The following ASH1L variants were observed in gnomAD, a reference collection of about 807,000 sequenced individuals.
The protein encoded by ASH1L is histone-lysine N-methyltransferase ASH1L.
A neutral mutation model predicts 269.0 loss-of-function variants in ASH1L; 23 were observed. That is an observed-to-expected ratio of 0.09 (90% CI 0.06 to 0.12). ASH1L has a LOEUF of 0.12. ASH1L is among the 10% of genes least tolerant of loss of function. ASH1L has a pLI of 1.00. For synonymous variants in ASH1L, 1,187 were observed against 1,253.5 expected, an observed-to-expected ratio of 0.95 and a Z score of 1.12; for missense variants, 2,912 against 3,567.8, an observed-to-expected ratio of 0.82 and a Z score of 4.68.
chr1:155,518,388 G>C (rs966814605), intron 2 of ASH1L, among the ~76,000 whole-genome samples: 2 of 151,978 alleles, frequency 1.3e-5, no homozygotes, highest in African/African-American at 4.8e-5. Flanking sequence ...AAATAAACTG[G>C]ACCTGGTTTT....
intron 5 of ASH1L, among the ~76,000 whole-genome samples, chr1:155,427,898 G>A (rs1011054664): frequency 6.6e-6 from 1 of 152,138 alleles, no homozygotes; most frequent in Admixed American, 6.6e-5. Context: ...CATAGTGAGT[G>A]AGTTCTGTTG....
At chr1:155,520,618 T>A (rs1668820098) in intron 2 of ASH1L, among the ~76,000 whole-genome samples, 2 of 152,032 alleles carry the variant, frequency 1.3e-5, no homozygotes, top group South Asian at 4.2e-4. Flanking sequence ...ATCCCAGCAC[T>A]CTGGGAGGCT....
chr1:155,470,173 G>A (rs1244137544), intron 3 of ASH1L, among the ~76,000 whole-genome samples: 5 of 151,928 alleles, frequency 3.3e-5, no homozygotes, highest in Admixed American at 1.3e-4. Flanking sequence ...ATTAAGAACC[G>A]TCAGGCTGTG....
intron 5 of ASH1L, among the ~76,000 whole-genome samples, chr1:155,427,540 G>A (rs1305627450): frequency 6.6e-6 from 1 of 152,094 alleles, no homozygotes; most frequent in Non-Finnish European, 1.5e-5. Flanking sequence ...CTGACCTCAG[G>A]TGATCCGCCC....
intron 15 of ASH1L, 104 bp from the exon 16 acceptor site, chr1:155,354,734 G>T: frequency 8.7e-7 from 1 of 1,144,624 alleles, no homozygotes; most frequent in Non-Finnish European, 1.2e-6. Context: ...CGTGAATTGA[G>T]CTGTTGTAAA....
At chr1:155,425,687 G>T (rs944797576) in intron 5 of ASH1L, among the ~76,000 whole-genome samples, 1 of 151,584 alleles carries the variant, frequency 6.6e-6, no homozygotes, top group Admixed American at 6.6e-5. Flanking sequence ...GCCTGCCTTG[G>T]CCTCCCAAAG....
intron 4 of ASH1L, among the ~76,000 whole-genome samples, chr1:155,451,932 A>G (rs1413855494): frequency 6.6e-6 from 1 of 151,418 alleles, no homozygotes; most frequent in Non-Finnish European, 1.5e-5. Flanking sequence ...TGTTGGCCAG[A>G]CTAGTCTTGA....
chr1:155,481,815 T>G lies in ASH1L; in HGVS notation c.1055A>C (p.His352Pro). The change falls in exon 3 of 28, where the codon CAT (histidine) becomes CCT (proline). Residue 352 changes from histidine (H) to proline (P), a missense_variant. This residue lies in a region of ASH1L where 277 missense variants were observed against 367.7 expected (regional missense o/e 0.75). Transcript: ENST00000392403. ...LGIGIVPGLV[H>P]KESGKKLGLG... ...TCCTAACTTCTTGCCAGACTCTTTA[T>G]GCACTAAACCTGGAACAATACCAAT... 1 of 1,614,238 alleles carries G rather than the reference T, an allele frequency of 6.2e-7. No individual in the cohort carries two copies. The highest frequency in any genetic ancestry group is 8.5e-7 in the Non-Finnish European group (1 of 1,180,030).
At chr1:155,500,654 T>A (rs1215160875) in intron 2 of ASH1L, among the ~76,000 whole-genome samples, 1 of 151,994 alleles carries the variant, frequency 6.6e-6, no homozygotes, top group South Asian at 2.1e-4. Context: ...TATTAACAAG[T>A]CCCAAATTCT....
intron 10 of ASH1L, among the ~76,000 whole-genome samples, chr1:155,374,239 C>T (rs1039177435): frequency 6.6e-6 from 1 of 151,924 alleles, no homozygotes; most frequent in South Asian, 2.1e-4. Flanking sequence ...GTAGGAGAAT[C>T]GCTTGAACCT....
At chr1:155,444,202 G>A (rs144659456) in intron 4 of ASH1L, among the ~76,000 whole-genome samples, 1,812 of 152,036 alleles carry the variant, frequency 0.012, 102 homozygotes, top group Admixed American at 0.087. Flanking sequence ...GGCTGGTCTC[G>A]AATTCCTGAC....
intron 7 of ASH1L, among the ~76,000 whole-genome samples, chr1:155,386,899 A>C (rs944461520): frequency 1.3e-5 from 2 of 152,004 alleles, no homozygotes; most frequent in Non-Finnish European, 2.9e-5. Flanking sequence ...ATCGTCATGA[A>C]GTCTTTGCCT....
At chr1:155,433,528 C>A (rs771331473) in intron 5 of ASH1L, 44 of 1,609,812 alleles carry the variant, frequency 2.7e-5, no homozygotes, top group Middle Eastern at 1.7e-4. Context: ...AGCCCTGCAC[C>A]GTCCCCCCTG....
At chr1:155,425,542 G>A (rs1452823017) in intron 5 of ASH1L, among the ~76,000 whole-genome samples, 1 of 148,670 alleles carries the variant, frequency 6.7e-6, no homozygotes, top group Non-Finnish European at 1.5e-5. Context: ...GGGTTCAAGC[G>A]ATTCTCCTGC....
In ASH1L at chr1:155,395,509, T is replaced by A; in HGVS notation, c.6053A>T (p.Tyr2018Phe). ...TCCATATTCATGCTCTCCTGGAGTA[T>A]ACTCCAGCTTCTCTTTCTTTAATTG... ...LIQLKKEKLEYTPGEHEYGLF... is the reference protein window; with the variant it reads ...LIQLKKEKLEFTPGEHEYGLF... Residue 2018 changes from tyrosine (Y) to phenylalanine (F), a missense_variant, in exon 7 of 28, where the codon TAT becomes TTT. Transcript: ENST00000392403. The A allele has an allele frequency of 6.2e-7, 1 of 1,612,056 alleles. No homozygotes were observed. The highest frequency in any genetic ancestry group is 8.5e-7 in the Non-Finnish European group (1 of 1,179,394).
intron 5 of ASH1L, among the ~76,000 whole-genome samples, chr1:155,434,788 T>C (rs1338534645): frequency 6.6e-6 from 1 of 151,940 alleles, no homozygotes; most frequent in Non-Finnish European, 1.5e-5. Context: ...GAGGCAGAGG[T>C]TGCAGTGAGC....
intron 5 of ASH1L, among the ~76,000 whole-genome samples, chr1:155,425,760 G>A (rs1661100294): frequency 6.6e-6 from 1 of 151,898 alleles, no homozygotes; most frequent in Admixed American, 6.6e-5. Flanking sequence ...TTTATTTTTA[G>A]TAGAGAAGAG....
intron 4 of ASH1L, among the ~76,000 whole-genome samples, chr1:155,451,702 AG>A (rs1460157383): frequency 6.6e-6 from 1 of 151,906 alleles, no homozygotes; most frequent in Non-Finnish European, 1.5e-5. Context: ...CCTGGGCGAC[AG>A]GAGCGAGACT....
intron 4 of ASH1L, 111 bp downstream of exon 4, chr1:155,459,686 T>A: frequency 1.2e-6 from 1 of 806,190 alleles, no homozygotes; most frequent in Non-Finnish European, 2.0e-6. Context: ...AAAAATAAAA[T>A]ACCATATATG....
Sources: gnomAD v4.1 joint callset for allele counts (sites outside exome capture counted in the v4.1 genomes callset) on GRCh38, gnomAD v4.1.1 for gene constraint, gnomAD v4.1.1 regional missense constraint, MANE v1.5 for transcripts, NCBI Gene and HGNC (gene_info 2026-07-23, HGNC 2026-07-21) for gene names.